HIGD1C: variants seen among roughly 807,000 people sequenced by gnomAD.
The protein encoded by HIGD1C is HIG1 hypoxia inducible domain family member 1C.
A neutral mutation model predicts 13.1 loss-of-function variants in HIGD1C; 11 were observed. The observed-to-expected ratio is 0.84, with a 90% CI of 0.53 to 1.39. HIGD1C has a LOEUF of 1.39. Ranked by LOEUF, HIGD1C falls within the 40% of genes most tolerant of loss-of-function variation. The pLI is 0.00. For synonymous variants in HIGD1C, 36 were observed against 37.7 expected (o/e 0.95, Z 0.17); for missense variants, 110 against 112.0 (o/e 0.98, Z 0.08).
the HIGD1C span, among the ~76,000 whole-genome samples, chr12:50,939,276 T>C: frequency 6.6e-6 from 1 of 151,782 alleles, no homozygotes; most frequent in Admixed American, 6.5e-5. Flanking sequence ...GTCTCCTGGG[T>C]ATCTGGAATT....
the HIGD1C span, among the ~76,000 whole-genome samples, chr12:50,939,031 G>A: frequency 1.3e-5 from 2 of 152,122 alleles, no homozygotes; most frequent in South Asian, 4.1e-4. Context: ...CTGATCTAAA[G>A]CATAGTGTCT....
At chr12:50,954,184 T>G in intron 1 of HIGD1C, 92 bp downstream of exon 3, 1 of 775,072 alleles carries the variant, frequency 1.3e-6, no homozygotes, top group Non-Finnish European at 2.1e-6. Context: ...TTCTTATAAT[T>G]GAATTTTTTC....
chr12:50,956,990 A>T (rs1367451773), intron 1 of HIGD1C, among the ~76,000 whole-genome samples: 11 of 143,840 alleles, frequency 7.6e-5, no homozygotes, highest in African/African-American at 2.0e-4. Context: ...TCATTTTGTT[A>T]TTTTTTTTTT....
chr12:50,957,462 G>T (rs1190677048), intron 1 of HIGD1C, among the ~76,000 whole-genome samples: 1 of 151,590 alleles, frequency 6.6e-6, no homozygotes, highest in Non-Finnish European at 1.5e-5. Flanking sequence ...GCCTCCCAAA[G>T]TGCTGGGATT....
chr12:50,943,878 C>T, the HIGD1C span, among the ~76,000 whole-genome samples: 2 of 152,112 alleles, frequency 1.3e-5, no homozygotes, highest in Non-Finnish European at 2.9e-5. Context: ...ATCCTTATAT[C>T]ATATCTGTAG....
intron 1 of HIGD1C, among the ~76,000 whole-genome samples, chr12:50,959,522 A>T (rs568753773): frequency 1.2e-3 from 177 of 151,938 alleles, no homozygotes; most frequent in African/African-American, 4.0e-3. Context: ...TTATCCAAAA[A>T]TTTTTTTTCA....
chr12:50,950,909 A>C (rs1249099820), upstream of HIGD1C, among the ~76,000 whole-genome samples: 1 of 151,574 alleles, frequency 6.6e-6, no homozygotes, highest in African/African-American at 2.4e-5. Flanking sequence ...TGAACTCTTG[A>C]CTTCAGGTGA....
chr12:50,951,942 A>G (rs993814082), upstream of HIGD1C, among the ~76,000 whole-genome samples: 1 of 151,710 alleles, frequency 6.6e-6, no homozygotes, highest in African/African-American at 2.4e-5. Flanking sequence ...AAAAAAGAAA[A>G]AAAAATCAAG....
downstream of HIGD1C, among the ~76,000 whole-genome samples, chr12:50,971,985 C>G (rs1287546452): frequency 1.3e-5 from 2 of 152,184 alleles, no homozygotes; most frequent in Non-Finnish European, 2.9e-5. Context: ...GTGCTACCAA[C>G]AAGTACATAT....
At chr12:50,931,730 A>C in the HIGD1C span, 1 of 151,136 alleles carries the variant, frequency 6.6e-6, no homozygotes, top group Non-Finnish European at 1.5e-5. Context: ...AAAAAAAAAA[A>C]AAAAGAAGTA....
the HIGD1C span, among the ~76,000 whole-genome samples, chr12:50,943,336 G>A: frequency 6.6e-6 from 1 of 152,060 alleles, no homozygotes; most frequent in African/African-American, 2.4e-5. Flanking sequence ...CCTCTGCCTG[G>A]AGTACCCATA....
chr12:50,948,850 G>A, the HIGD1C span, among the ~76,000 whole-genome samples: 52 of 77,874 alleles, frequency 6.7e-4, no homozygotes, highest in Non-Finnish European at 1.0e-3. Context: ...CCAGCCTGGC[G>A]ACAGAGCGAG....
the HIGD1C span, among the ~76,000 whole-genome samples, chr12:50,936,036 G>A: frequency 6.6e-6 from 1 of 151,838 alleles, no homozygotes; most frequent in African/African-American, 2.4e-5. Flanking sequence ...GAGGCCACCT[G>A]TAATCCCAGC....
the HIGD1C span, among the ~76,000 whole-genome samples, chr12:50,937,191 C>T: frequency 6.6e-6 from 1 of 152,196 alleles, no homozygotes; most frequent in African/African-American, 2.4e-5. Context: ...ACACCCCTGC[C>T]CAGGGCCTTA....
chr12:50,934,286 T>C, the HIGD1C span, among the ~76,000 whole-genome samples: 7 of 152,234 alleles, frequency 4.6e-5, no homozygotes, highest in Non-Finnish European at 8.8e-5. Context: ...ATTGAAACAC[T>C]GGCTTTGGCA....
At chr12:50,967,898 GC>G (rs1939600225) in intron 2 of HIGD1C, among the ~76,000 whole-genome samples, 1 of 152,006 alleles carries the variant, frequency 6.6e-6, no homozygotes, top group African/African-American at 2.4e-5. Context: ...ACCATTCTGG[GC>G]AACATGGCGA....
upstream of HIGD1C, among the ~76,000 whole-genome samples, chr12:50,952,801 G>C (rs1354928399): frequency 2.0e-5 from 3 of 152,168 alleles, no homozygotes; most frequent in Non-Finnish European, 4.4e-5. Context: ...GTTTCCGAAG[G>C]ATGGCAAGAA....
chr12:50,940,973 T>C, the HIGD1C span, among the ~76,000 whole-genome samples: 2 of 151,854 alleles, frequency 1.3e-5, no homozygotes, highest in Non-Finnish European at 2.9e-5. Context: ...ACTTCCCAAG[T>C]AGCTGGGACC....
At chr12:50,943,169 T>A in the HIGD1C span, among the ~76,000 whole-genome samples, 1 of 152,004 alleles carries the variant, frequency 6.6e-6, no homozygotes, top group African/African-American at 2.4e-5. Context: ...CCAATCAAGA[T>A]GCAGTTTCTA....
Sources: gnomAD v4.1 joint callset for allele counts (sites outside exome capture counted in the v4.1 genomes callset) on GRCh38, gnomAD v4.1.1 for gene constraint, MANE v1.5 for transcripts, NCBI Gene and HGNC (gene_info 2026-07-23, HGNC 2026-07-21) for gene names.